Variants in SCAPER observed in about 807,000 individuals in gnomAD.
The protein encoded by SCAPER is S-phase cyclin A associated protein in the ER.
A neutral mutation model predicts 182.2 loss-of-function variants in SCAPER; 98 were observed. That is an observed-to-expected ratio of 0.54 (90% CI 0.46 to 0.64). The LOEUF (loss-of-function observed/expected upper bound fraction) is 0.64. SCAPER is among the 30% of genes least tolerant of loss of function. SCAPER has a pLI of 0.00. For missense variants in SCAPER, 1,432 were observed against 1,690.0 expected, an observed-to-expected ratio of 0.85 and a Z score of 2.68; for synonymous variants, 605 against 564.6, an observed-to-expected ratio of 1.07 and a Z score of -1.01.
chr15:76,452,131 T>C (rs2048407826), intron 25 of SCAPER, among the ~76,000 whole-genome samples: 2 of 152,216 alleles, frequency 1.3e-5, no homozygotes, highest in Non-Finnish European at 2.9e-5. Context: ...TGTACACATG[T>C]GTATTGTATG....
In SCAPER at chr15:76,572,913, T is replaced by TCACACACACA. The variant is rs1481190270; in HGVS notation, c.2838+1244_2838+1245insTGTGTGTGTG. Among the ~76,000 whole-genome samples, 496 of 119,418 alleles carry TCACACACACA rather than the reference T, an allele frequency of 4.2e-3. 1 individual carries two copies. The highest frequency in any genetic ancestry group is 0.013 in the African/African-American group (360 of 28,020). 78.3% of individuals were successfully genotyped at this position (119,418 alleles called of 152,430 possible). ...CACTCTCTCTCTCTCTCTCTCTCTCTCTCTCTCACACACACACACACACAC... is the reference window on the plus strand; with the variant it reads ...CACTCTCTCTCTCTCTCTCTCTCTCTCACACACACACTCTCTCACACACACACACACACAC... On this transcript the variant is annotated intron_variant, in intron 23 of 31. Transcript: ENST00000563290.
intron 14 of SCAPER, among the ~76,000 whole-genome samples, chr15:76,760,157 C>T (rs1035541282): frequency 2.6e-5 from 4 of 152,126 alleles, no homozygotes; most frequent in African/African-American, 9.7e-5. Flanking sequence ...TACCTGGTCC[C>T]GCAGATTAGG....
chr15:76,698,860 C>G (rs1252547538), intron 20 of SCAPER, among the ~76,000 whole-genome samples: 1 of 152,158 alleles, frequency 6.6e-6, no homozygotes, highest in East Asian at 1.9e-4. Flanking sequence ...GGGCCATATG[C>G]CCATGTTAAC....
At chr15:76,515,050 C>T (rs907667344) in intron 23 of SCAPER, among the ~76,000 whole-genome samples, 1 of 152,150 alleles carries the variant, frequency 6.6e-6, no homozygotes, top group Non-Finnish European at 1.5e-5. Flanking sequence ...AGAACAAAAA[C>T]ATACTGTGGG....
chr15:76,439,809 T>C (rs1311375954), intron 25 of SCAPER, among the ~76,000 whole-genome samples: 1 of 152,246 alleles, frequency 6.6e-6, no homozygotes, highest in Non-Finnish European at 1.5e-5. Context: ...CCTGCTGGTA[T>C]GTACCAAGCC....
intron 5 of SCAPER, among the ~76,000 whole-genome samples, chr15:76,809,939 CT>C: frequency 6.6e-6 from 1 of 152,220 alleles, no homozygotes; most frequent in South Asian, 2.1e-4. Flanking sequence ...CCCATAAAGG[CT>C]GAAGTGATAA....
intron 22 of SCAPER, among the ~76,000 whole-genome samples, chr15:76,606,454 G>A (rs1490484395): frequency 1.3e-5 from 2 of 152,130 alleles, no homozygotes; most frequent in Admixed American, 6.5e-5. Context: ...GTCAATTTGG[G>A]GTAGGTGTGG....
chr15:76,864,618 G>C (rs1484356440), intron 2 of SCAPER, among the ~76,000 whole-genome samples: 1 of 150,950 alleles, frequency 6.6e-6, no homozygotes, highest in Non-Finnish European at 1.5e-5. Flanking sequence ...ATCACTTCAG[G>C]GAAAGAAAAA....
chr15:76,449,103 A>G (rs2048198923), intron 25 of SCAPER, among the ~76,000 whole-genome samples: 2 of 152,246 alleles, frequency 1.3e-5, no homozygotes, highest in African/African-American at 4.8e-5. Flanking sequence ...GAATCCAGAT[A>G]TTACCAAGTT....
intron 20 of SCAPER, among the ~76,000 whole-genome samples, chr15:76,671,818 C>T (rs778787213): frequency 2.0e-5 from 3 of 150,762 alleles, no homozygotes; most frequent in Non-Finnish European, 2.9e-5. Flanking sequence ...AGAGAAGTAG[C>T]GTTTCAGTGT....
At chr15:76,693,090 G>A (rs1424519015) in intron 20 of SCAPER, among the ~76,000 whole-genome samples, 1 of 151,998 alleles carries the variant, frequency 6.6e-6, no homozygotes, top group Non-Finnish European at 1.5e-5. Context: ...TTAAGGCTAT[G>A]TTATTAACAG....
At chr15:76,570,854 T>G (rs1035692704) in intron 23 of SCAPER, among the ~76,000 whole-genome samples, 2 of 152,060 alleles carry the variant, frequency 1.3e-5, no homozygotes, top group African/African-American at 4.8e-5. Flanking sequence ...TTAAACCCAA[T>G]TCACCATCTG....
At chr15:76,559,922 GTGTGTGTGTGTA>G (rs1044703875) in intron 23 of SCAPER, among the ~76,000 whole-genome samples, 11 of 152,152 alleles carry the variant, frequency 7.2e-5, no homozygotes, top group Admixed American at 2.0e-4. Flanking sequence ...GTATATGTGT[GTGTGTGTGTGTA>G]TGTGTGTGTG....
intron 29 of SCAPER, among the ~76,000 whole-genome samples, chr15:76,357,188 A>ACACACACACACCC (rs774672151): frequency 1.3e-5 from 2 of 149,072 alleles, no homozygotes; most frequent in Admixed American, 6.7e-5. Context: ...ACACACACAC[A>ACACACACACACCC]CCCCTATGGC....
Position 76,765,054 on chromosome 15 carries a change from C to T in SCAPER, c.1632G>A (p.Lys544=). 1 of 1,586,294 alleles carries T rather than the reference C, an allele frequency of 6.3e-7. No homozygotes were observed. ...PSRKRTIAES[K]KKHEEKQMKA... is the part of the protein sequence containing the mutation. ...TCATTTGTTTTTCTTCATGTTTCTT[C>T]TTAGATTCTGCAATTGTTCTATTAA... Residue 544 remains lysine, a synonymous_variant, in exon 14 of 32, where the codon AAG becomes AAA. Coordinates refer to ENST00000563290, the MANE Select transcript of SCAPER (RefSeq NM_020843.4).
chr15:76,403,454 T>C (rs2044610585), intron 27 of SCAPER, among the ~76,000 whole-genome samples: 2 of 152,142 alleles, frequency 1.3e-5, no homozygotes, highest in African/African-American at 4.8e-5. Context: ...GGTGAGGGAC[T>C]GGGTAAGAGT....
At chr15:76,397,150 G>A (rs1474182333) in intron 27 of SCAPER, among the ~76,000 whole-genome samples, 1 of 151,758 alleles carries the variant, frequency 6.6e-6, no homozygotes, top group Non-Finnish European at 1.5e-5. Context: ...TGCATATGAT[G>A]AACCATCCTG....
chr15:76,354,250 G>T lies in SCAPER; in HGVS notation c.3856-110C>A. 1 of 916,012 alleles carries T rather than the reference G, an allele frequency of 1.1e-6. No homozygotes were observed. The highest frequency in any genetic ancestry group is 1.6e-6 in the Non-Finnish European group (1 of 633,498). The allele number at this position is 916,012 out of a possible 1,614,324, so 56.7% of individuals were successfully genotyped here. On this transcript the variant is annotated intron_variant, in intron 29 of 31. Coordinates refer to ENST00000563290, the MANE Select transcript of SCAPER (RefSeq NM_020843.4). The surrounding 1 kb of genome is among the most constrained non-coding windows in gnomAD (Gnocchi z 4.4). The stretch of plus-strand genomic sequence containing the variant: ...GGAAAACATGCTGAAGGAGTGTAAA[G>T]AAAAAGACTCCTGACTCCGTACCAG...
intron 22 of SCAPER, among the ~76,000 whole-genome samples, chr15:76,588,367 A>G (rs1224583759): frequency 6.6e-6 from 1 of 152,130 alleles, no homozygotes; most frequent in Non-Finnish European, 1.5e-5. Flanking sequence ...GTCTTTTTCA[A>G]TCGCTGTTGC....
Sources: gnomAD v4.1 joint callset for allele counts (sites outside exome capture counted in the v4.1 genomes callset) on GRCh38, gnomAD v4.1.1 for gene constraint, Gnocchi (gnomAD v3.1) non-coding constraint, MANE v1.5 for transcripts, NCBI Gene and HGNC (gene_info 2026-07-23, HGNC 2026-07-21) for gene names.